IBTK: variants seen among roughly 807,000 people sequenced by gnomAD.
IBTK encodes the protein BTK-binding protein.
IBTK carries 83 observed loss-of-function variants against 154.9 expected under a neutral mutation model. The observed-to-expected ratio is 0.54, with a 90% CI of 0.45 to 0.64. The LOEUF (loss-of-function observed/expected upper bound fraction) is 0.64. IBTK is among the 30% of genes least tolerant of loss of function. The pLI is 0.00. For synonymous variants in IBTK, 515 were observed against 536.1 expected (o/e 0.96, Z 0.54); for missense variants, 1,332 against 1,584.6 (o/e 0.84, Z 2.71).
chr6:82,175,219 T>G (rs1768066908), intron 26 of IBTK, among the ~76,000 whole-genome samples: 1 of 152,184 alleles, frequency 6.6e-6, no homozygotes, highest in Admixed American at 6.5e-5. Context: ...TATACGATAA[T>G]GAAAAGCAGA....
At chr6:82,185,106 C>A in intron 25 of IBTK, among the ~76,000 whole-genome samples, 1 of 150,374 alleles carries the variant, frequency 6.7e-6, no homozygotes, top group Admixed American at 6.6e-5. Flanking sequence ...GTGCTTGAAC[C>A]CAGGAGGCAG....
At chr6:82,223,652 A>T (rs1210968032) in intron 7 of IBTK, 32 bp from the exon 8 acceptor site, 1 of 1,584,134 alleles carries the variant, frequency 6.3e-7, no homozygotes, top group Admixed American at 1.7e-5. Context: ...CAAATCACAA[A>T]ATAGCTCTTT....
chr6:82,234,151 T>G lies in IBTK; in HGVS notation c.418+8A>C. 1 of 1,491,520 alleles carries G rather than the reference T, an allele frequency of 6.7e-7. No individual in the cohort carries two copies. The highest frequency in any genetic ancestry group is 2.3e-5 in the East Asian group (1 of 43,812). 92.4% of individuals were successfully genotyped at this position (1,491,520 alleles called of 1,614,324 possible). A position where few individuals can be genotyped will look rare whatever the true frequency, so the allele number is the denominator to read the frequency against. ...GCAGCGCCCAGCCCATTTGTGAAAT[T>G]TTCTTACCAGTATTCTTGAATACTA... On this transcript the variant is annotated splice_region_variant and intron_variant, in intron 3 of 28. Transcript: ENST00000306270.
intron 1 of IBTK, among the ~76,000 whole-genome samples, chr6:82,244,823 TACC>T (rs564428889): frequency 1.6e-4 from 24 of 152,086 alleles, no homozygotes; most frequent in Non-Finnish European, 2.5e-4. Context: ...ACCTAAATCA[TACC>T]ACCAAGAAAA....
rs138309821 is a variant in IBTK at position 82,215,875 on chromosome 6, A to C, written c.1601+201T>G. ...CAATAAATGTCAGTTTATAAACCAA[A>C]GGAAACATTCATCACTCCAAGTATA... On this transcript the variant is annotated intron_variant, in intron 11 of 28. Transcript: ENST00000306270. Among the ~76,000 whole-genome samples the C allele has an allele frequency of 2.6e-3, 395 of 152,222 alleles. 1 individual carries two copies. The highest frequency in any genetic ancestry group is 9.1e-3 in the African/African-American group (379 of 41,558).
intron 25 of IBTK, among the ~76,000 whole-genome samples, chr6:82,185,832 C>G (rs1269482793): frequency 6.6e-6 from 1 of 152,058 alleles, no homozygotes; most frequent in Admixed American, 6.6e-5. Flanking sequence ...AATTTAATAA[C>G]AGTAATTTCA....
chr6:82,239,519 A>G (rs1338302453), intron 2 of IBTK, among the ~76,000 whole-genome samples: 1 of 152,174 alleles, frequency 6.6e-6, no homozygotes, highest in African/African-American at 2.4e-5. Flanking sequence ...ACTAAAAGAT[A>G]TTGTTACAAA....
At position 82,242,230 on chromosome 6, in the gene IBTK, G is replaced by A. The variant is rs187594662; in HGVS notation, c.-357-1387C>T. On this transcript the variant is annotated intron_variant, in intron 1 of 28. Transcript: ENST00000306270. ...ATTAAAAATACAAAATTAGCCAGGC[G>A]TGGTGGCACATGCCTGTAATCTCAG... 5.8e-4 allele frequency among the ~76,000 whole-genome samples: 88 copies of A among 152,190 alleles called. 2 individuals are homozygous for A. The East Asian group carries it at 0.014, about 24-fold the overall frequency.
intron 10 of IBTK, 32 bp from the exon 11 acceptor site, chr6:82,216,282 A>G (rs1463810583): frequency 7.2e-7 from 1 of 1,385,954 alleles, no homozygotes; most frequent in Admixed American, 2.3e-5. Flanking sequence ...CCATTAATCA[A>G]GGCTTTACTG....
At chr6:82,204,691 A>T (rs1769330733) in intron 17 of IBTK, among the ~76,000 whole-genome samples, 166 bp downstream of exon 17, 1 of 152,210 alleles carries the variant, frequency 6.6e-6, no homozygotes, top group Non-Finnish European at 1.5e-5. Context: ...TAAAATAAGA[A>T]TTCACTTACA....
At chr6:82,176,832 A>G (rs1768137571) in intron 26 of IBTK, among the ~76,000 whole-genome samples, 1 of 152,040 alleles carries the variant, frequency 6.6e-6, no homozygotes, top group Admixed American at 6.6e-5. Flanking sequence ...CCAAAGGACC[A>G]TAAGCATTCC....
intron 1 of IBTK, among the ~76,000 whole-genome samples, chr6:82,245,609 C>T (rs1282596149): frequency 2.6e-5 from 4 of 151,526 alleles, no homozygotes; most frequent in Non-Finnish European, 5.9e-5. Flanking sequence ...GGTGAGAGCA[C>T]ATTTGAAGCA....
intron 22 of IBTK, 53 bp from the exon 23 acceptor site, chr6:82,194,695 A>T: frequency 8.1e-7 from 1 of 1,233,062 alleles, no homozygotes; most frequent in Non-Finnish European, 1.1e-6. Flanking sequence ...AACAGTAACT[A>T]ACACATAGCT....
At position 82,203,612 on chromosome 6, in the gene IBTK, T is replaced by G. The variant is rs1322658426; in HGVS notation, c.2612-967A>C. On this transcript the variant is annotated intron_variant, in intron 17 of 28. Transcript: ENST00000306270. ...TCACATGGGAACAAGTATCCACATA[T>G]TCCTAATAATCAGAGACCAAAGGAG... Among the ~76,000 whole-genome samples, 6 of 152,098 alleles carry G rather than the reference T, an allele frequency of 3.9e-5. No individual in the cohort carries two copies. The East Asian group carries it at 1.2e-3, about 29-fold the overall frequency.
At chr6:82,241,338 T>C (rs1770943225) in intron 1 of IBTK, among the ~76,000 whole-genome samples, 1 of 152,080 alleles carries the variant, frequency 6.6e-6, no homozygotes, top group Non-Finnish European at 1.5e-5. Flanking sequence ...CCCCTAAAAC[T>C]GTATCATCAC....
intron 26 of IBTK, among the ~76,000 whole-genome samples, chr6:82,177,088 T>C (rs560127264): frequency 1.3e-5 from 2 of 152,346 alleles, no homozygotes; most frequent in African/African-American, 4.8e-5. Flanking sequence ...GAAGTCTTCC[T>C]GACAACACCA....
chr6:82,242,674 C>T (rs1770995608), intron 1 of IBTK, among the ~76,000 whole-genome samples: 1 of 152,102 alleles, frequency 6.6e-6, no homozygotes, highest in East Asian at 1.9e-4. Flanking sequence ...GGGCCGAGCA[C>T]GGTGGCTCAC....
intron 11 of IBTK, 139 bp downstream of exon 11, chr6:82,215,937 T>C (rs1769855955): frequency 1.7e-6 from 1 of 590,432 alleles, no homozygotes. Context: ...AGACATAATC[T>C]GTAAACATGA....
chr6:82,212,881 AAATAT>A, intron 12 of IBTK, 88 bp from the exon 13 acceptor site: 2 of 737,174 alleles, frequency 2.7e-6, no homozygotes, highest in South Asian at 3.0e-5. Context: ...GCTTACATCT[AAATAT>A]AATACTGTAT....
Sources: gnomAD v4.1 joint callset for allele counts (sites outside exome capture counted in the v4.1 genomes callset) on GRCh38, gnomAD v4.1.1 for gene constraint, MANE v1.5 for transcripts, NCBI Gene and HGNC (gene_info 2026-07-23, HGNC 2026-07-21) for gene names.